Variants in KLF7 observed in about 807,000 individuals in gnomAD.
The protein encoded by KLF7 is KLF transcription factor 7.
Under a neutral mutation model 27.3 loss-of-function variants are expected in KLF7, and 2 were observed. The ratio of observed to expected loss-of-function variants is 0.07; its 90% CI spans 0.03 to 0.23. The LOEUF is 0.23. KLF7 is among the 10% of genes least tolerant of loss of function. The pLI is 1.00. For missense variants in KLF7, 221 were observed against 394.1 expected (o/e 0.56, Z 3.72); for synonymous variants, 165 against 162.4 (o/e 1.02, Z -0.12).
chr2:207,157,219 T>TAAAA (rs5838052), intron 1 of KLF7, among the ~76,000 whole-genome samples: 1,885 of 85,714 alleles, frequency 0.022, 1 homozygote, highest in East Asian at 0.051. Flanking sequence ...AACAGAAAAG[T>TAAAA]AAAAAAAAAA....
At chr2:207,085,665 C>G (rs1006912809) in intron 3 of KLF7, among the ~76,000 whole-genome samples, 3 of 152,172 alleles carry the variant, frequency 2.0e-5, no homozygotes, top group African/African-American at 7.2e-5. Flanking sequence ...AAACACAGCA[C>G]TCTTGGGCTA....
At chr2:207,115,157 GA>G (rs367853609) in intron 2 of KLF7, among the ~76,000 whole-genome samples, 5 of 142,138 alleles carry the variant, frequency 3.5e-5, no homozygotes, top group Admixed American at 1.4e-4. Context: ...TTGAAGGGAA[GA>G]AAAAAAAAGA....
intron 2 of KLF7, among the ~76,000 whole-genome samples, chr2:207,102,093 G>A (rs2076776781): frequency 6.7e-6 from 1 of 150,226 alleles, no homozygotes; most frequent in African/African-American, 2.5e-5. Context: ...AAAACACAAT[G>A]ACTGAAACCA....
chr2:207,165,948 T>A lies in KLF7; in HGVS notation c.-380A>T, dbSNP rs2078696039. The A allele has an allele frequency of 6.7e-6, 7 of 1,051,948 alleles. No individual in the cohort carries two copies. The South Asian group carries it at 2.3e-4, about 34-fold the overall frequency. The allele number at this position is 1,051,948 out of a possible 1,614,324, so 65.2% of individuals were successfully genotyped here. On this transcript the variant is annotated 5_prime_UTR_variant, in exon 1 of 4. Transcript: ENST00000309446. ...CTGCCATCTATTTCTGCAGCGCTGT[T>A]CGCTCCTAATGCAATCTTTGCTCTT...
chr2:207,094,144 T>G (rs1218958164), intron 2 of KLF7, among the ~76,000 whole-genome samples: 1 of 152,208 alleles, frequency 6.6e-6, no homozygotes, highest in Non-Finnish European at 1.5e-5. Flanking sequence ...AAATTTGCCT[T>G]TAAGATAGAG....
intron 2 of KLF7, among the ~76,000 whole-genome samples, chr2:207,103,142 G>A (rs535015935): frequency 6.6e-6 from 1 of 152,248 alleles, no homozygotes; most frequent in South Asian, 2.1e-4. Context: ...TGACCAGGCT[G>A]GTCTCAAACT....
chr2:207,126,448 C>T (rs1375523293), intron 1 of KLF7, among the ~76,000 whole-genome samples: 1 of 152,202 alleles, frequency 6.6e-6, no homozygotes, highest in Non-Finnish European at 1.5e-5. Flanking sequence ...TCTTCAATAG[C>T]CATCTTTGAA....
In KLF7 at chr2:207,128,973, A is replaced by T. The variant is rs577977864; in HGVS notation, c.103-4569T>A. Among the ~76,000 whole-genome samples, 6 of 152,226 alleles carry T rather than the reference A, an allele frequency of 3.9e-5. No individual in the cohort carries two copies. In the East Asian group the frequency reaches 1.2e-3, roughly 29 times the overall value. On this transcript the variant is annotated intron_variant, in intron 1 of 3. Transcript: ENST00000309446. ...TTCAAAGGAAGTGTTTAGATTAGTT[A>T]ATGGTATTATATCAATGATAATTTC...
intron 2 of KLF7, among the ~76,000 whole-genome samples, chr2:207,110,450 G>T (rs756826868): frequency 1.3e-5 from 2 of 152,228 alleles, no homozygotes; most frequent in Non-Finnish European, 2.9e-5. Context: ...TACCCAGGGG[G>T]AGAATGACAA....
intron 1 of KLF7, among the ~76,000 whole-genome samples, chr2:207,132,040 A>G (rs1025590139): frequency 3.9e-5 from 6 of 152,190 alleles, no homozygotes; most frequent in African/African-American, 7.2e-5. Context: ...TCCTAACAAG[A>G]TATTAAGCAT....
chr2:207,118,004 C>T (rs2077235054), intron 2 of KLF7, among the ~76,000 whole-genome samples: 2 of 152,182 alleles, frequency 1.3e-5, no homozygotes, highest in South Asian at 2.1e-4. Flanking sequence ...CGCAGAAAGA[C>T]TGAAGAACAC....
chr2:207,115,204 AG>A (rs1274332807), intron 2 of KLF7, among the ~76,000 whole-genome samples: 1 of 151,652 alleles, frequency 6.6e-6, no homozygotes, highest in Non-Finnish European at 1.5e-5. Context: ...GGGTATGCCA[AG>A]GAAGTTTGGT....
intron 1 of KLF7, among the ~76,000 whole-genome samples, chr2:207,139,608 T>C (rs990819091): frequency 6.6e-6 from 1 of 152,228 alleles, no homozygotes; most frequent in Admixed American, 6.5e-5. Context: ...GATGAAGATT[T>C]TGGATCTTCT....
chr2:207,127,140 A>G (rs2077500967), intron 1 of KLF7, among the ~76,000 whole-genome samples: 1 of 152,214 alleles, frequency 6.6e-6, no homozygotes, highest in Non-Finnish European at 1.5e-5. Flanking sequence ...AGTCATATTT[A>G]TGATCTAAAG....
At chr2:207,110,225 A>C (rs555373237) in intron 2 of KLF7, among the ~76,000 whole-genome samples, 1 of 152,386 alleles carries the variant, frequency 6.6e-6, no homozygotes, top group South Asian at 2.1e-4. Flanking sequence ...CTAAGAACTC[A>C]GAAAGCTTCC....
rs1426357838 is a variant in KLF7, at chr2:207,124,054, G to A, written c.453C>T (p.Thr151=). Residue 151 remains threonine (T), a synonymous_variant, in exon 2 of 4, where the codon ACC becomes ACT. Coordinates refer to ENST00000309446, the MANE Select transcript of KLF7 (RefSeq NM_003709.4). ...SPELSRHLVK[T]SQTLSAVDGT... ...CATCCACGGCAGAGAGAGTTTGTGA[G>A]GTTTTGACCAGATGGCGGCTGAGCT... 1.4e-5 allele frequency: 23 copies of A among 1,614,042 alleles called. No individual in the cohort carries two copies. Among genetic ancestry groups the A allele is most frequent in the Non-Finnish European group, 1.9e-5 (22 of 1,180,024 alleles).
rs551781958 is a variant in KLF7, at chr2:207,149,053, T to C, written c.102+16414A>G. The C allele has an allele frequency of 8.0e-5, 96 of 1,196,220 alleles. 2 individuals carry two copies. In the South Asian group the frequency reaches 1.3e-3, roughly 17 times the overall value. 74.1% of individuals were successfully genotyped at this position (1,196,220 alleles called of 1,614,324 possible). The stretch of plus-strand genomic sequence containing the variant: ...AGGAATGTCTCCTTACAGCCAACTC[T>C]GTGTTCCACCTAAAGGATGCAGTTT... On this transcript the variant is annotated intron_variant, in intron 1 of 3. Coordinates refer to ENST00000309446, the MANE Select transcript of KLF7 (RefSeq NM_003709.4).
Position 207,142,367 on chromosome 2 carries a change from T to C in KLF7, c.103-17963A>G, listed in dbSNP as rs150194933. 4.8e-3 allele frequency among the ~76,000 whole-genome samples: 734 copies of C among 152,298 alleles called. 2 individuals are homozygous for C. The highest frequency in any genetic ancestry group is 0.015 in the African/African-American group (626 of 41,582). ...AGGGCAGGGTCTGTTATCTTGTACT[T>C]CTTTCAAATTAATTCAACAGTTATT... On this transcript the variant is annotated intron_variant, in intron 1 of 3. Transcript: ENST00000309446.
At chr2:207,083,778 A>G (rs1354426468) in intron 3 of KLF7, among the ~76,000 whole-genome samples, 2 of 152,250 alleles carry the variant, frequency 1.3e-5, no homozygotes, top group Non-Finnish European at 2.9e-5. Context: ...CAATGCCATC[A>G]CAACGGTTCT....
Sources: gnomAD v4.1 joint callset for allele counts (sites outside exome capture counted in the v4.1 genomes callset) on GRCh38, gnomAD v4.1.1 for gene constraint, MANE v1.5 for transcripts, NCBI Gene and HGNC (gene_info 2026-07-23, HGNC 2026-07-21) for gene names.